The following GRM3 variants were observed in gnomAD, a reference collection of about 807,000 sequenced individuals.
GRM3 encodes metabotropic glutamate receptor 3.
A neutral mutation model predicts 70.5 loss-of-function variants in GRM3; 26 were observed. The observed-to-expected ratio is 0.37, with a 90% confidence interval of 0.27 to 0.51. The LOEUF (loss-of-function observed/expected upper bound fraction) is 0.51. Among genes scored for constraint, GRM3 ranks in the 20% least tolerant of loss-of-function variants. The pLI is 0.93. For missense variants in GRM3, 859 were observed against 1,123.8 expected (o/e 0.76, Z 3.37); for synonymous variants, 443 against 434.9 (o/e 1.02, Z -0.23).
chr7:86,856,994 T>C (rs968240238), intron 5 of GRM3, among the ~76,000 whole-genome samples: 11 of 152,226 alleles, frequency 7.2e-5, no homozygotes, highest in African/African-American at 2.6e-4. Flanking sequence ...ATTTGATAAC[T>C]AGAGTTATAG....
chr7:86,851,860 A>G (rs547154864), intron 5 of GRM3, among the ~76,000 whole-genome samples: 2 of 152,324 alleles, frequency 1.3e-5, no homozygotes, highest in South Asian at 4.1e-4. Flanking sequence ...AGCTCTTTTT[A>G]GCAGACTAAT....
intron 1 of GRM3, among the ~76,000 whole-genome samples, chr7:86,708,484 TGAG>T (rs1343389633): frequency 6.6e-6 from 1 of 152,110 alleles, no homozygotes; most frequent in Non-Finnish European, 1.5e-5. Flanking sequence ...TGCCCTCCAT[TGAG>T]GAGAGACCAG....
chr7:86,703,120 A>G (rs965068249), intron 1 of GRM3, among the ~76,000 whole-genome samples: 1 of 151,980 alleles, frequency 6.6e-6, no homozygotes, highest in Admixed American at 6.6e-5. Context: ...TTTTCCAGAT[A>G]AATGTCTTAA....
intron 5 of GRM3, among the ~76,000 whole-genome samples, chr7:86,852,820 A>G (rs767002906): frequency 7.2e-5 from 11 of 152,140 alleles, no homozygotes; most frequent in Non-Finnish European, 1.6e-4. Flanking sequence ...TTTTATCCTC[A>G]TGAGTACCAG....
At chr7:86,852,682 C>T (rs1463269981) in intron 5 of GRM3, among the ~76,000 whole-genome samples, 1 of 152,074 alleles carries the variant, frequency 6.6e-6, no homozygotes, top group East Asian at 1.9e-4. Context: ...TGAAGTAGTA[C>T]CATGTAACAA....
chr7:86,710,986 C>T (rs920546584), intron 1 of GRM3, among the ~76,000 whole-genome samples: 4 of 152,032 alleles, frequency 2.6e-5, no homozygotes, highest in Non-Finnish European at 5.9e-5. Context: ...ATTATTCATG[C>T]TTTGAACCAC....
intron 5 of GRM3, among the ~76,000 whole-genome samples, chr7:86,857,392 T>G (rs1414219405): frequency 3.3e-5 from 5 of 152,174 alleles, no homozygotes; most frequent in Non-Finnish European, 7.4e-5. Context: ...AATGAGAAAG[T>G]ACTAGAAGGG....
At chr7:86,797,953 GC>G (rs1797591447) in intron 3 of GRM3, among the ~76,000 whole-genome samples, 1 of 152,204 alleles carries the variant, frequency 6.6e-6, no homozygotes, top group South Asian at 2.1e-4. Flanking sequence ...CAGGGTGCAA[GC>G]CCCAAGCCTT....
At chr7:86,704,147 T>C (rs990498145) in intron 1 of GRM3, among the ~76,000 whole-genome samples, 10 of 151,950 alleles carry the variant, frequency 6.6e-5, no homozygotes, top group Admixed American at 6.6e-4. Context: ...TACAACCAAA[T>C]ATTTTCATAT....
intron 3 of GRM3, among the ~76,000 whole-genome samples, chr7:86,832,494 G>A (rs1390510843): frequency 3.3e-5 from 5 of 151,884 alleles, no homozygotes; most frequent in Non-Finnish European, 4.4e-5. Flanking sequence ...CAGATGATCC[G>A]CCTGTCTCAG....
At chr7:86,792,958 T>A (rs1255853453) in intron 3 of GRM3, among the ~76,000 whole-genome samples, 3 of 151,308 alleles carry the variant, frequency 2.0e-5, no homozygotes, top group Non-Finnish European at 4.4e-5. Context: ...ACAGCTAAGC[T>A]AAGACAGTTT....
chr7:86,684,367 A>G (rs904918236), intron 1 of GRM3, among the ~76,000 whole-genome samples: 1 of 152,246 alleles, frequency 6.6e-6, no homozygotes, highest in African/African-American at 2.4e-5. Flanking sequence ...TACCTAGCAC[A>G]TTATTTGGCA....
At chr7:86,758,798 G>GT (rs917810566) in intron 1 of GRM3, among the ~76,000 whole-genome samples, 13 of 152,014 alleles carry the variant, frequency 8.6e-5, no homozygotes, top group Non-Finnish European at 1.9e-4. Flanking sequence ...ACCTTACTTA[G>GT]TTTTTTTGGT....
rs142910136 is a variant in GRM3, at chr7:86,691,585, C to A, written c.-141+46713C>A. On this transcript the variant is annotated intron_variant, in intron 1 of 5. Coordinates refer to ENST00000361669, the MANE Select transcript of GRM3 (RefSeq NM_000840.3). ...CTCAAAACATGTTTTGGAAACTTAA[C>A]CCCCAAAGCAACAGTGTTGGGAAGC... Among the ~76,000 whole-genome samples, 4 of 152,252 alleles carry A rather than the reference C, an allele frequency of 2.6e-5. 1 individual carries two copies. In the East Asian group the frequency reaches 5.8e-4, roughly 22 times the overall value.
chr7:86,717,535 T>G (rs1328060769), intron 1 of GRM3, among the ~76,000 whole-genome samples: 1 of 151,986 alleles, frequency 6.6e-6, no homozygotes, highest in Admixed American at 6.6e-5. Context: ...TTTACGAGAC[T>G]ATTACAAAGG....
intron 4 of GRM3, among the ~76,000 whole-genome samples, chr7:86,846,986 G>A (rs1259076477): frequency 6.6e-6 from 1 of 152,176 alleles, no homozygotes. Context: ...GCAGTAGCCA[G>A]AGTGTCAATA....
Position 86,850,501 on chromosome 7 carries a change from C to T in GRM3, c.2523C>T (p.Leu841=), listed in dbSNP as rs750718535. 6.2e-7 allele frequency: 1 copy of T among 1,610,458 alleles called. No individual in the cohort carries two copies. Among genetic ancestry groups the T allele is most frequent in the Non-Finnish European group, 8.5e-7 (1 of 1,176,840 alleles). ...QKNVVTHRLH[L]NRFSVSGTGT... ...ATGTTGTCACACACAGACTGCACCTCAACAGGTTCAGTGTCAGTGGAACTG... is the reference window on the plus strand; with the variant it reads ...ATGTTGTCACACACAGACTGCACCTTAACAGGTTCAGTGTCAGTGGAACTG... Residue 841 remains leucine (L), a synonymous_variant, in exon 5 of 6, where the codon CTC becomes CTT. Transcript: ENST00000361669.
intron 3 of GRM3, among the ~76,000 whole-genome samples, chr7:86,830,693 T>C (rs1798332444): frequency 6.6e-6 from 1 of 152,176 alleles, no homozygotes; most frequent in Non-Finnish European, 1.5e-5. Flanking sequence ...AATATAAAGT[T>C]CAATATCAGG....
intron 3 of GRM3, among the ~76,000 whole-genome samples, chr7:86,832,721 ATGATATC>A (rs1280756273): frequency 6.6e-6 from 1 of 152,182 alleles, no homozygotes; most frequent in Non-Finnish European, 1.5e-5. Context: ...CCATTGACTT[ATGATATC>A]TTTAAGGTAT....
Sources: allele counts gnomAD v4.1 joint callset (sites outside exome capture counted in the v4.1 genomes callset), GRCh38; gene constraint gnomAD v4.1.1; transcripts MANE v1.5; gene names NCBI Gene and HGNC (gene_info 2026-07-23, HGNC 2026-07-21).